GLIS3: variants seen among roughly 807,000 people sequenced by gnomAD.
GLIS3 encodes the protein GLIS family zinc finger 3, also known as zinc finger protein GLIS3.
GLIS3 carries 53 observed loss-of-function variants against 78.6 expected under a neutral mutation model. The observed-to-expected ratio is 0.67, with a 90% CI of 0.54 to 0.85. GLIS3 has a LOEUF of 0.85. GLIS3 is among the 40% of genes least tolerant of loss of function. GLIS3 has a pLI of 0.00. For synonymous variants in GLIS3, 684 were observed against 509.9 expected (o/e 1.34, Z -4.60); for missense variants, 1,703 against 1,231.1 (o/e 1.38, Z -5.74).
At chr9:4,101,905 C>A (rs897449790) in intron 4 of GLIS3, among the ~76,000 whole-genome samples, 2 of 152,180 alleles carry the variant, frequency 1.3e-5, no homozygotes, top group Non-Finnish European at 2.9e-5. Context: ...ACTTCCAGAA[C>A]AAAGTGGCAG....
chr9:4,321,677 G>C (rs191321641), intron 2 of GLIS3, among the ~76,000 whole-genome samples: 1 of 133,918 alleles, frequency 7.5e-6, no homozygotes, highest in Admixed American at 9.1e-5. Context: ...TCCTCCAAAG[G>C]TAACTACCAT....
intron 2 of GLIS3, among the ~76,000 whole-genome samples, chr9:4,215,856 ACTC>A (rs1220764228): frequency 2.0e-5 from 3 of 152,230 alleles, no homozygotes; most frequent in African/African-American, 7.2e-5. Context: ...AGAAAGGCAC[ACTC>A]AGTAGTTTTC....
At chr9:3,858,659 C>A (rs1318272358) in intron 8 of GLIS3, among the ~76,000 whole-genome samples, 1 of 151,932 alleles carries the variant, frequency 6.6e-6, no homozygotes, top group African/African-American at 2.4e-5. Context: ...TAAATATAAA[C>A]TATTCTAAGT....
At chr9:4,250,124 C>A (rs532067081) in intron 2 of GLIS3, among the ~76,000 whole-genome samples, 1 of 152,268 alleles carries the variant, frequency 6.6e-6, no homozygotes, top group African/African-American at 2.4e-5. Flanking sequence ...CAGGATGATG[C>A]TGGCCTCATA....
chr9:4,489,867 T>G, the GLIS3 span, among the ~76,000 whole-genome samples: 2 of 152,164 alleles, frequency 1.3e-5, no homozygotes, highest in African/African-American at 4.8e-5. Flanking sequence ...ACAAATCACC[T>G]CCAGCGACTC....
At chr9:4,427,472 CTT>C in the GLIS3 span, among the ~76,000 whole-genome samples, 8 of 152,306 alleles carry the variant, frequency 5.3e-5, no homozygotes, top group East Asian at 1.5e-3. Flanking sequence ...TATACACACT[CTT>C]ATATTCCTTG....
chr9:4,351,475 C>T (rs114863210), upstream of GLIS3, among the ~76,000 whole-genome samples: 983 of 149,864 alleles, frequency 6.6e-3, 12 homozygotes, highest in African/African-American at 0.023. Flanking sequence ...GAGTTCATTA[C>T]AAAAGTTTAG....
chr9:4,395,855 C>A, the GLIS3 span, among the ~76,000 whole-genome samples: 4 of 150,466 alleles, frequency 2.7e-5, no homozygotes, highest in African/African-American at 4.9e-5. Context: ...CTCACTGCAA[C>A]CTTCGACTCC....
At chr9:4,421,081 C>G in the GLIS3 span, among the ~76,000 whole-genome samples, 1 of 152,200 alleles carries the variant, frequency 6.6e-6, no homozygotes, top group Non-Finnish European at 1.5e-5. Context: ...GACATCTTCA[C>G]CAGCACTGAG....
chr9:3,917,683 C>T (rs1281783969), intron 6 of GLIS3, among the ~76,000 whole-genome samples: 1 of 151,940 alleles, frequency 6.6e-6, no homozygotes, highest in Non-Finnish European at 1.5e-5. Context: ...CTTTATTCCC[C>T]AGGGCCCCAC....
At chr9:4,465,570 G>C in the GLIS3 span, among the ~76,000 whole-genome samples, 2 of 152,178 alleles carry the variant, frequency 1.3e-5, no homozygotes, top group African/African-American at 2.4e-5. Context: ...AAAAAGAAAA[G>C]ATAATAAATA....
chr9:4,098,295 T>C (rs985845303), intron 4 of GLIS3, among the ~76,000 whole-genome samples: 1 of 152,208 alleles, frequency 6.6e-6, no homozygotes, highest in Non-Finnish European at 1.5e-5. Flanking sequence ...TTCACTGACC[T>C]TGGTATATTC....
intron 4 of GLIS3, among the ~76,000 whole-genome samples, chr9:4,115,277 T>C (rs1053768974): frequency 3.9e-5 from 6 of 152,090 alleles, no homozygotes; most frequent in South Asian, 2.1e-4. Context: ...CCGGCTCTTA[T>C]CATTTAGACT....
chr9:4,413,586 C>G, the GLIS3 span, among the ~76,000 whole-genome samples: 1 of 152,086 alleles, frequency 6.6e-6, no homozygotes, highest in African/African-American at 2.4e-5. Context: ...GCTTGCCAAA[C>G]TCTTCAGTGC....
chr9:4,349,148 A>G (rs922943756), upstream of GLIS3, among the ~76,000 whole-genome samples: 2 of 152,240 alleles, frequency 1.3e-5, no homozygotes, highest in Non-Finnish European at 2.9e-5. Flanking sequence ...TCAACTTAAA[A>G]TAAGCCTTTG....
intron 2 of GLIS3, among the ~76,000 whole-genome samples, chr9:4,256,783 G>C (rs1189052205): frequency 7.6e-6 from 1 of 132,256 alleles, no homozygotes; most frequent in Non-Finnish European, 1.6e-5. Context: ...TCACAAAAGA[G>C]TACGGAAGCT....
intron 2 of GLIS3, among the ~76,000 whole-genome samples, chr9:4,282,136 C>T (rs1052879377): frequency 1.3e-5 from 2 of 152,166 alleles, no homozygotes; most frequent in Admixed American, 6.5e-5. Flanking sequence ...AACCTTTCTC[C>T]GTACACAGCT....
At chr9:4,082,883 C>T (rs755387469) in intron 4 of GLIS3, among the ~76,000 whole-genome samples, 1 of 152,150 alleles carries the variant, frequency 6.6e-6, no homozygotes, top group Admixed American at 6.5e-5. Flanking sequence ...ACATATTTTT[C>T]GACACCTCTT....
chr9:4,027,279 A>G (rs1291749306), intron 4 of GLIS3, among the ~76,000 whole-genome samples: 1 of 152,216 alleles, frequency 6.6e-6, no homozygotes, highest in African/African-American at 2.4e-5. Context: ...GATCCATCCA[A>G]CCAGGTCTTT....
Sources: gnomAD v4.1 joint callset for allele counts (sites outside exome capture counted in the v4.1 genomes callset) on GRCh38, gnomAD v4.1.1 for gene constraint, MANE v1.5 for transcripts, NCBI Gene and HGNC (gene_info 2026-07-23, HGNC 2026-07-21) for gene names.